The following ADAM18 variants were observed in gnomAD, a reference collection of about 807,000 sequenced individuals.
ADAM18 encodes ADAM metallopeptidase domain 18.
ADAM18 carries 117 observed loss-of-function variants against 94.4 expected under a neutral mutation model. That is an observed-to-expected ratio of 1.24 (90% CI 1.07 to 1.45). The LOEUF is 1.45. ADAM18 is among the 40% of genes most tolerant of loss of function. The pLI is 0.00. For missense variants in ADAM18, 936 were observed against 880.0 expected (o/e 1.06, Z -0.81); for synonymous variants, 327 against 291.6 (o/e 1.12, Z -1.24).
At position 39,668,214 on chromosome 8, in the gene ADAM18, G is replaced by T. The variant is rs547261692; in HGVS notation, c.1525+18G>T. 2 of 1,611,344 alleles carry T rather than the reference G, an allele frequency of 1.2e-6. No individual in the cohort carries two copies. Among genetic ancestry groups the T allele is most frequent in the Admixed American group, 1.7e-5 (1 of 59,974 alleles). ...TGGAAAAGGTATTGCTCTTTCTTTC[G>T]TATTTATTTTACCTTACATTTGCAT... On this transcript the variant is annotated intron_variant, in intron 14 of 19. Transcript: ENST00000265707.
chr8:39,726,852 A>G (rs1015354251), intron 19 of ADAM18, among the ~76,000 whole-genome samples: 2 of 152,202 alleles, frequency 1.3e-5, no homozygotes, highest in Non-Finnish European at 2.9e-5. Context: ...ATTTTATTTG[A>G]CAACCATCTT....
Position 39,730,052 on chromosome 8 carries a change from T to A in ADAM18, c.*112T>A. 1.9e-6 allele frequency: 2 copies of A among 1,076,484 alleles called. No homozygotes were observed. The highest frequency in any genetic ancestry group is 1.4e-6 in the Non-Finnish European group (1 of 709,010). 66.7% of individuals were successfully genotyped at this position (1,076,484 alleles called of 1,614,324 possible). On this transcript the variant is annotated 3_prime_UTR_variant, in exon 20 of 20. Coordinates refer to ENST00000265707, the MANE Select transcript of ADAM18 (RefSeq NM_014237.3). ...TGTCAAACTTTTGGAAAATAAAGCC[T>A]GCGTGCCCTCCCATGTGCCTCCTCC... is the stretch of plus-strand genomic sequence containing the variant.
intron 2 of ADAM18, among the ~76,000 whole-genome samples, chr8:39,602,641 A>C (rs1434264856): frequency 2.0e-5 from 3 of 151,980 alleles, no homozygotes; most frequent in Non-Finnish European, 4.4e-5. Context: ...CATTTTGTTC[A>C]TTTTTAAATT....
At chr8:39,709,304 A>C (rs2129581402) in intron 18 of ADAM18, among the ~76,000 whole-genome samples, 1 of 152,272 alleles carries the variant, frequency 6.6e-6, no homozygotes, top group South Asian at 2.1e-4. Context: ...TCCTTCTGAA[A>C]TCAAGCCACT....
chr8:39,663,092 AAAC>A (rs764025542), intron 12 of ADAM18, among the ~76,000 whole-genome samples: 9 of 152,180 alleles, frequency 5.9e-5, no homozygotes, highest in Non-Finnish European at 7.3e-5. Flanking sequence ...AATCCTTAGT[AAAC>A]AAATCACCCA....
intron 18 of ADAM18, among the ~76,000 whole-genome samples, chr8:39,713,235 G>T (rs543911226): frequency 1.3e-5 from 2 of 151,978 alleles, no homozygotes; most frequent in African/African-American, 4.8e-5. Flanking sequence ...CTGGCTAGTC[G>T]CATGTAGAAA....
intron 6 of ADAM18, among the ~76,000 whole-genome samples, chr8:39,624,770 T>A (rs1303231321): frequency 1.3e-5 from 2 of 152,070 alleles, no homozygotes; most frequent in African/African-American, 2.4e-5. Flanking sequence ...TCTCAGGAGA[T>A]CTGGTTGTTT....
chr8:39,708,482 C>T (rs1477298929), intron 18 of ADAM18, among the ~76,000 whole-genome samples: 2 of 152,122 alleles, frequency 1.3e-5, no homozygotes, highest in African/African-American at 4.8e-5. Flanking sequence ...TCTGGAAAAA[C>T]ATGGCAAAAT....
At chr8:39,642,022 C>T (rs1820252421) in intron 10 of ADAM18, among the ~76,000 whole-genome samples, 1 of 152,088 alleles carries the variant, frequency 6.6e-6, no homozygotes, top group South Asian at 2.1e-4. Context: ...TGATGTTGAG[C>T]TTTTTCTCAT....
intron 15 of ADAM18, among the ~76,000 whole-genome samples, chr8:39,677,747 T>G (rs1179651453): frequency 6.6e-6 from 1 of 152,130 alleles, no homozygotes; most frequent in African/African-American, 2.4e-5. Context: ...AGGCTAATAC[T>G]TAGTAACAGA....
intron 18 of ADAM18, among the ~76,000 whole-genome samples, chr8:39,718,143 T>G (rs945110930): frequency 9.2e-5 from 14 of 151,534 alleles, no homozygotes; most frequent in African/African-American, 3.1e-4. Context: ...GCAGCTGTTA[T>G]GAAAAACAGT....
chr8:39,607,694 C>G (rs183848068), intron 3 of ADAM18, among the ~76,000 whole-genome samples: 8 of 151,956 alleles, frequency 5.3e-5, no homozygotes, highest in African/African-American at 1.9e-4. Flanking sequence ...CTGAAGTACT[C>G]TGGGTACTTC....
intron 17 of ADAM18, 48 bp downstream of exon 17, chr8:39,692,728 C>A: frequency 1.4e-5 from 20 of 1,436,458 alleles, no homozygotes; most frequent in East Asian, 2.3e-5. Context: ...GTGGGTAATT[C>A]AAATAAACAT....
intron 2 of ADAM18, among the ~76,000 whole-genome samples, chr8:39,596,923 G>A (rs1818758552): frequency 6.6e-6 from 1 of 152,054 alleles, no homozygotes; most frequent in Non-Finnish European, 1.5e-5. Context: ...TAATGTATAA[G>A]GATTAATTTT....
intron 7 of ADAM18, among the ~76,000 whole-genome samples, chr8:39,636,178 C>T (rs1820071668): frequency 6.6e-6 from 1 of 151,922 alleles, no homozygotes; most frequent in Non-Finnish European, 1.5e-5. Flanking sequence ...ACCACAATGC[C>T]TGGATAATTT....
intron 17 of ADAM18, among the ~76,000 whole-genome samples, chr8:39,705,284 A>G (rs1822210102): frequency 6.6e-6 from 1 of 152,108 alleles, no homozygotes; most frequent in South Asian, 2.1e-4. Context: ...AATCTCCAAA[A>G]TATCACATTT....
At chr8:39,691,197 A>C (rs1000914925) in intron 16 of ADAM18, among the ~76,000 whole-genome samples, 4 of 152,128 alleles carry the variant, frequency 2.6e-5, no homozygotes, top group Non-Finnish European at 5.9e-5. Flanking sequence ...ATAAGGTACA[A>C]TGTACCTTAA....
At chr8:39,692,196 T>C (rs894776428) in intron 16 of ADAM18, among the ~76,000 whole-genome samples, 1 of 151,858 alleles carries the variant, frequency 6.6e-6, no homozygotes, top group Non-Finnish European at 1.5e-5. Context: ...ACTTAAAACC[T>C]AAACAAAATG....
At chr8:39,592,140 T>C (rs948639248) in intron 2 of ADAM18, among the ~76,000 whole-genome samples, 1 of 152,196 alleles carries the variant, frequency 6.6e-6, no homozygotes, top group African/African-American at 2.4e-5. Context: ...TTAGCATAAT[T>C]CTTAAGGGCC....
Sources: allele counts gnomAD v4.1 joint callset (sites outside exome capture counted in the v4.1 genomes callset), GRCh38; gene constraint gnomAD v4.1.1; transcripts MANE v1.5; gene names NCBI Gene and HGNC (gene_info 2026-07-23, HGNC 2026-07-21).